The following MYO1D variants were observed in gnomAD, a reference collection of about 807,000 sequenced individuals.
MYO1D encodes myosin ID, also known as unconventional myosin-Id.
Under a neutral mutation model 122.0 loss-of-function variants are expected in MYO1D, and 83 were observed. That is an observed-to-expected ratio of 0.68 (90% CI 0.57 to 0.82). The LOEUF (loss-of-function observed/expected upper bound fraction) is 0.82. MYO1D is among the 40% of genes least tolerant of loss of function. The pLI is 0.00. For missense variants in MYO1D, 1,157 were observed against 1,269.5 expected (o/e 0.91, Z 1.35); for synonymous variants, 464 against 446.9 (o/e 1.04, Z -0.48).
At chr17:32,723,987 T>C (rs1170676853) in intron 14 of MYO1D, among the ~76,000 whole-genome samples, 1 of 152,236 alleles carries the variant, frequency 6.6e-6, no homozygotes, top group Non-Finnish European at 1.5e-5. Context: ...AAAATAGTGA[T>C]GTGTGATCAA....
At position 32,639,363 on chromosome 17, in the gene MYO1D, T is replaced by TGTGTGTG. The variant is rs1567923149; in HGVS notation, c.2596-529_2596-528insCACACAC. 4.0e-3 allele frequency among the ~76,000 whole-genome samples: 513 copies of TGTGTGTG among 128,258 alleles called. 9 individuals carry two copies. The highest frequency in any genetic ancestry group is 0.012 in the African/African-American group (390 of 31,302). 84.1% of individuals were successfully genotyped at this position (128,258 alleles called of 152,430 possible). ...CTAGATTATGAGATTGGGAGAAATT[T>TGTGTGTG]TGTGTGTGTGTGTGTGTGTGTGTGT... On this transcript the variant is annotated intron_variant, in intron 19 of 21. Transcript: ENST00000318217.
rs1167617657 is a variant in MYO1D at position 32,715,647 on chromosome 17, A to C, written c.1914-3452T>G. Among the ~76,000 whole-genome samples, 11 of 152,182 alleles carry C rather than the reference A, an allele frequency of 7.2e-5. No homozygotes were observed. In the South Asian group the frequency reaches 2.3e-3, roughly 32 times the overall value. On this transcript the variant is annotated intron_variant, in intron 15 of 21. Transcript: ENST00000318217. ...CTTTTAATAAAACATTCCAAATATA[A>C]AAACAAAAATATGTATATTTTATAA...
At chr17:32,740,114 A>G (rs568777827) in intron 13 of MYO1D, among the ~76,000 whole-genome samples, 1 of 152,346 alleles carries the variant, frequency 6.6e-6, no homozygotes, top group South Asian at 2.1e-4. Flanking sequence ...TAGCACAGAA[A>G]TAATTTAAGG....
intron 12 of MYO1D, among the ~76,000 whole-genome samples, chr17:32,746,127 C>T (rs908290721): frequency 3.3e-5 from 5 of 152,166 alleles, no homozygotes; most frequent in African/African-American, 1.2e-4. Context: ...GATTCCTTGC[C>T]TTACATATTT....
chr17:32,553,265 A>G (rs888756372), intron 21 of MYO1D, among the ~76,000 whole-genome samples: 2 of 152,208 alleles, frequency 1.3e-5, no homozygotes, highest in Non-Finnish European at 2.9e-5. Context: ...CATGCTAGCT[A>G]GAGAGATGAA....
chr17:32,617,359 C>T (rs2150923141), intron 20 of MYO1D, among the ~76,000 whole-genome samples: 1 of 152,270 alleles, frequency 6.6e-6, no homozygotes, highest in Non-Finnish European at 1.5e-5. Context: ...CCAGCCCCAG[C>T]CCTTAAATCA....
chr17:32,717,472 C>G (rs554984696), intron 15 of MYO1D, among the ~76,000 whole-genome samples: 10 of 152,276 alleles, frequency 6.6e-5, no homozygotes, highest in African/African-American at 2.2e-4. Flanking sequence ...TTGCATATAT[C>G]CTGCCACATG....
intron 21 of MYO1D, among the ~76,000 whole-genome samples, chr17:32,560,212 A>G (rs1274378387): frequency 6.6e-6 from 1 of 152,034 alleles, no homozygotes; most frequent in African/African-American, 2.4e-5. Flanking sequence ...CCGAGATTGC[A>G]CCACTGCACT....
intron 21 of MYO1D, among the ~76,000 whole-genome samples, chr17:32,563,373 C>G (rs1209242505): frequency 6.6e-6 from 1 of 151,654 alleles, no homozygotes; most frequent in Non-Finnish European, 1.5e-5. Context: ...CTGTGCCCAG[C>G]TAATTTTTTT....
intron 21 of MYO1D, among the ~76,000 whole-genome samples, chr17:32,586,995 T>C (rs977416271): frequency 3.3e-5 from 5 of 152,204 alleles, no homozygotes; most frequent in Admixed American, 6.5e-5. Context: ...TTGATGGGTA[T>C]GATGAAAACA....
intron 17 of MYO1D, among the ~76,000 whole-genome samples, chr17:32,655,935 G>GAACAAACAGACA (rs1258158632): frequency 6.6e-6 from 1 of 152,196 alleles, no homozygotes; most frequent in Non-Finnish European, 1.5e-5. Context: ...TCTGAAGGAA[G>GAACAAACAGACA]AACAAACAGA....
At chr17:32,652,581 T>G (rs1484243978) in intron 19 of MYO1D, among the ~76,000 whole-genome samples, 1 of 152,206 alleles carries the variant, frequency 6.6e-6, no homozygotes, top group African/African-American at 2.4e-5. Context: ...ACTCTTTTAA[T>G]GATAATTTCA....
intron 21 of MYO1D, among the ~76,000 whole-genome samples, chr17:32,543,672 T>A (rs189683725): frequency 6.6e-6 from 1 of 152,346 alleles, no homozygotes; most frequent in African/African-American, 2.4e-5. Context: ...CAGGGTGCCC[T>A]TCATGTCAAA....
chr17:32,679,641 C>T (rs2088877726), intron 16 of MYO1D, among the ~76,000 whole-genome samples: 2 of 152,106 alleles, frequency 1.3e-5, no homozygotes, highest in South Asian at 2.1e-4. Flanking sequence ...GTACCAGTAC[C>T]ATGCTGTTTT....
intron 21 of MYO1D, among the ~76,000 whole-genome samples, chr17:32,582,117 G>A (rs1006292990): frequency 9.9e-5 from 15 of 151,936 alleles, no homozygotes; most frequent in East Asian, 1.9e-4. Flanking sequence ...GTTTTACCAC[G>A]TTGCCCAGGC....
chr17:32,544,800 CAT>C (rs1312602074), intron 21 of MYO1D, among the ~76,000 whole-genome samples: 12 of 152,206 alleles, frequency 7.9e-5, no homozygotes, highest in African/African-American at 2.9e-4. Context: ...CATGCATACA[CAT>C]ATACACACAC....
intron 16 of MYO1D, among the ~76,000 whole-genome samples, chr17:32,667,513 T>C (rs2088653055): frequency 6.6e-6 from 1 of 152,166 alleles, no homozygotes; most frequent in Admixed American, 6.5e-5. Context: ...ATACGATAAA[T>C]CTAAGACACA....
In MYO1D at chr17:32,782,181, T is replaced by G. The variant is rs2090245631; in HGVS notation, c.96-1397A>C. Among the ~76,000 whole-genome samples, 4 of 152,260 alleles carry G rather than the reference T, an allele frequency of 2.6e-5. No individual in the cohort carries two copies. In the South Asian group the frequency reaches 8.3e-4, roughly 31 times the overall value. ...ATTAGGAATGGAAACAAACAGATGT[T>G]GATAATTTCAACAATAAATTCAAAC... On this transcript the variant is annotated intron_variant, in intron 1 of 21. Coordinates refer to ENST00000318217, the MANE Select transcript of MYO1D (RefSeq NM_015194.3).
rs1055450269 is a variant in MYO1D at position 32,492,624 on chromosome 17, T to C, written c.*2135A>G. ...CCTTTAAAAATAAGATTTAATGCTT[T>C]ATTGCTCTTGATGGCAAATCAAAAT... On this transcript the variant is annotated 3_prime_UTR_variant, in exon 22 of 22. Transcript: ENST00000318217. 6.6e-6 allele frequency: 1 copy of C among 152,632 alleles called. No individual in the cohort carries two copies. Among genetic ancestry groups the C allele is most frequent in the African/African-American group, 2.4e-5 (1 of 41,450 alleles). The allele number at this position is 152,632 out of a possible 1,614,324, so 9.5% of individuals were successfully genotyped here. A position where few individuals can be genotyped will look rare whatever the true frequency, so the allele number is the denominator to read the frequency against.
Sources: allele counts gnomAD v4.1 joint callset (sites outside exome capture counted in the v4.1 genomes callset), GRCh38; gene constraint gnomAD v4.1.1; transcripts MANE v1.5; gene names NCBI Gene and HGNC (gene_info 2026-07-23, HGNC 2026-07-21).